Variants in ANO4 observed in about 807,000 individuals in gnomAD.
ANO4 encodes anoctamin 4, also known as anoctamin-4.
A neutral mutation model predicts 141.9 loss-of-function variants in ANO4; 69 were observed. That is an observed-to-expected ratio of 0.49 (90% CI 0.40 to 0.59). ANO4 has a LOEUF of 0.59. Ranked by LOEUF, ANO4 falls within the 20% of genes least tolerant of loss-of-function variation. The pLI is 0.00. For missense variants in ANO4, 894 were observed against 1,162.2 expected (o/e 0.77, Z 3.36); for synonymous variants, 350 against 394.3 (o/e 0.89, Z 1.33).
At chr12:100,925,812 T>TAC (rs138038198) in intron 3 of ANO4, among the ~76,000 whole-genome samples, 1 of 147,880 alleles carries the variant, frequency 6.8e-6, no homozygotes. Context: ...TATACATACA[T>TAC]ATACATACAT....
intron 17 of ANO4, 102 bp from the exon 18 acceptor site, chr12:101,094,154 G>C: frequency 6.6e-6 from 6 of 913,700 alleles, no homozygotes; most frequent in Non-Finnish European, 1.0e-5. Context: ...GATGCTTAAT[G>C]AAATTATTTT....
chr12:101,107,546 A>G (rs1253320865), intron 22 of ANO4, among the ~76,000 whole-genome samples: 2 of 105,996 alleles, frequency 1.9e-5, no homozygotes, highest in African/African-American at 6.6e-5. Flanking sequence ...TAGTCATAGC[A>G]ACACTGCATA....
At chr12:101,112,504 TGTCTATAG>T (rs2050698941) in intron 24 of ANO4, among the ~76,000 whole-genome samples, 1 of 152,238 alleles carries the variant, frequency 6.6e-6, no homozygotes. Flanking sequence ...GGGATTTTGA[TGTCTATAG>T]GTCAGAGTGA....
intron 14 of ANO4, chr12:101,068,174 C>G: frequency 9.2e-7 from 1 of 1,082,696 alleles, no homozygotes; most frequent in Non-Finnish European, 1.2e-6. Flanking sequence ...TTTTAAATAG[C>G]CCCATAGGAG....
intron 5 of ANO4, among the ~76,000 whole-genome samples, chr12:100,955,734 G>GA (rs1276189154): frequency 1.3e-5 from 2 of 152,178 alleles, no homozygotes; most frequent in Non-Finnish European, 2.9e-5. Flanking sequence ...AAGCCCTGGG[G>GA]AATTTCATAC....
chr12:100,887,390 C>A (rs112818182), intron 1 of ANO4, among the ~76,000 whole-genome samples: 1 of 152,082 alleles, frequency 6.6e-6, no homozygotes, highest in African/African-American at 2.4e-5. Context: ...TGTTGACTGC[C>A]TAGGGTATGA....
At chr12:100,863,182 C>G (rs2038573524) in intron 1 of ANO4, among the ~76,000 whole-genome samples, 1 of 152,054 alleles carries the variant, frequency 6.6e-6, no homozygotes, top group Non-Finnish European at 1.5e-5. Flanking sequence ...GCAGGATGGG[C>G]TGAAGTGGAT....
chr12:100,985,652 G>A (rs745388173), intron 7 of ANO4, among the ~76,000 whole-genome samples: 6 of 152,096 alleles, frequency 3.9e-5, no homozygotes, highest in African/African-American at 7.2e-5. Flanking sequence ...CTTTTGGGGC[G>A]GAGGGTTCTC....
intron 22 of ANO4, among the ~76,000 whole-genome samples, chr12:101,100,301 C>T (rs552184593): frequency 1.3e-5 from 2 of 151,918 alleles, no homozygotes; most frequent in Non-Finnish European, 2.9e-5. Flanking sequence ...TATTTCCTTT[C>T]ATTTTAAGCT....
rs1365684188 is a variant in ANO4 at position 101,094,272 on chromosome 12, C to T, written c.1718C>T (p.Ala573Val). 6.2e-7 allele frequency: 1 copy of T among 1,611,334 alleles called. No individual in the cohort carries two copies. Among genetic ancestry groups the T allele is most frequent in the South Asian group, 1.1e-5 (1 of 90,942 alleles). ...ATTTTACAGCTCTATGAAAAAGTTG[C>T]CCTGCTTCTGACGAATTTAGGTGAG... ...MLLNVLYEKVALLLTNLEQPR... is the reference protein window; with the variant it reads ...MLLNVLYEKVVLLLTNLEQPR... Residue 573 changes from alanine (A) to valine (V), a missense_variant, in exon 18 of 28, where the codon GCC (alanine) becomes GTC (valine). By Grantham distance (64) the Ala-to-Val change is moderately conservative. Transcript: ENST00000392977.
intron 1 of ANO4, among the ~76,000 whole-genome samples, chr12:100,719,191 A>C (rs539315363): frequency 2.7e-4 from 41 of 152,342 alleles, no homozygotes; most frequent in African/African-American, 9.9e-4. Context: ...TATTTCAATA[A>C]AAATATCAAT....
At chr12:101,066,669 C>A in intron 14 of ANO4, 1 of 620,954 alleles carries the variant, frequency 1.6e-6, no homozygotes, top group South Asian at 1.8e-5. Flanking sequence ...CATGGCCCTG[C>A]GGTCGGCGGC....
rs139735481 is a variant in ANO4, at chr12:101,105,682, G to A, written c.2150-4722G>A. On this transcript the variant is annotated intron_variant, in intron 22 of 27. Coordinates refer to ENST00000392977, the MANE Select transcript of ANO4 (RefSeq NM_001286615.2). ...TTTAGCACACAGAGACTTTCAAATA[G>A]CTATGATTTACGTATAAAAATAGAA... is the stretch of plus-strand genomic sequence containing the variant. Among the ~76,000 whole-genome samples the A allele has an allele frequency of 4.1e-4, 62 of 152,288 alleles. 1 individual carries two copies. Among genetic ancestry groups the A allele is most frequent in the African/African-American group, 1.4e-3 (59 of 41,574 alleles).
At chr12:100,782,427 G>A (rs1267123644) in intron 3 of ANO4, among the ~76,000 whole-genome samples, 1 of 152,132 alleles carries the variant, frequency 6.6e-6, no homozygotes, top group African/African-American at 2.4e-5. Flanking sequence ...GCATTTCCTA[G>A]TCTGCTCTCA....
intron 1 of ANO4, among the ~76,000 whole-genome samples, chr12:100,877,490 G>C (rs1955891460): frequency 6.6e-6 from 1 of 151,448 alleles, no homozygotes; most frequent in African/African-American, 2.4e-5. Context: ...ATTTGGGGTT[G>C]GTTCTAGACC....
chr12:100,844,911 C>G (rs2037478899), intron 1 of ANO4, among the ~76,000 whole-genome samples: 1 of 151,916 alleles, frequency 6.6e-6, no homozygotes, highest in Non-Finnish European at 1.5e-5. Flanking sequence ...GGACAAAGCC[C>G]TGGAGAAATT....
Position 100,795,799 on chromosome 12 carries a change from CTT to C in ANO4, c.-141+775_-141+776del, listed in dbSNP as rs112734476. 2.2e-4 allele frequency among the ~76,000 whole-genome samples: 34 copies of C among 152,280 alleles called. 1 individual carries two copies. The highest frequency in any genetic ancestry group is 7.7e-4 in the African/African-American group (32 of 41,572). On this transcript the variant is annotated intron_variant, in intron 1 of 27. Coordinates refer to ENST00000392977, the MANE Select transcript of ANO4 (RefSeq NM_001286615.2). The stretch of plus-strand genomic sequence containing the variant: ...CTTTGAGGTTATTAGAATGGTTAGA[CTT>C]TTCTAGGAGAACATAAGCAGGTTTC...
intron 9 of ANO4, 38 bp downstream of exon 9, chr12:101,020,178 T>G: frequency 7.0e-7 from 1 of 1,431,052 alleles, no homozygotes; most frequent in East Asian, 2.3e-5. Flanking sequence ...ACATTTGGCA[T>G]TTGGGAATTA....
chr12:100,813,444 T>C (rs2035561652), intron 1 of ANO4, among the ~76,000 whole-genome samples: 1 of 152,170 alleles, frequency 6.6e-6, no homozygotes, highest in East Asian at 1.9e-4. Flanking sequence ...CCGTTTACAA[T>C]CCCTCTTTTT....
Sources: gnomAD v4.1 joint callset for allele counts (sites outside exome capture counted in the v4.1 genomes callset) on GRCh38, gnomAD v4.1.1 for gene constraint, MANE v1.5 for transcripts, NCBI Gene and HGNC (gene_info 2026-07-23, HGNC 2026-07-21) for gene names.